The following CCDC88A variants were observed in gnomAD, a reference collection of about 807,000 sequenced individuals.
CCDC88A encodes coiled-coil and HOOK domain protein 88A, also known as girdin.
A neutral mutation model predicts 234.3 loss-of-function variants in CCDC88A; 54 were observed. That is an observed-to-expected ratio of 0.23 (90% CI 0.19 to 0.29). The LOEUF (loss-of-function observed/expected upper bound fraction) is 0.29. Ranked by LOEUF, CCDC88A falls within the 10% of genes least tolerant of loss-of-function variation. CCDC88A has a pLI of 1.00. For missense variants in CCDC88A, 1,832 were observed against 2,123.4 expected, an observed-to-expected ratio of 0.86 and a Z score of 2.70; for synonymous variants, 753 against 737.8, an observed-to-expected ratio of 1.02 and a Z score of -0.33.
chr2:55,360,961 T>A (rs928020410), intron 7 of CCDC88A, among the ~76,000 whole-genome samples: 5 of 152,262 alleles, frequency 3.3e-5, no homozygotes, highest in Admixed American at 2.6e-4. Context: ...TGGTGGCGCG[T>A]GCCTGTAATC....
chr2:55,317,348 A>G lies in CCDC88A; in HGVS notation c.3604T>C (p.Tyr1202His). Reference protein sequence around the residue: ...EVEHRDLEDRYNQLLKQKGQL... With the variant: ...EVEHRDLEDRHNQLLKQKGQL... ...CCTTTCTGTTTTAATAACTGATTGT[A>G]ACTGGGGGGAAAAAAGGCATTTGGT... Residue 1202 changes from tyrosine (Y) to histidine (H), a missense_variant and splice_region_variant, in exon 21 of 33, where the codon TAC becomes CAC. Coordinates refer to ENST00000436346, the MANE Select transcript of CCDC88A (RefSeq NM_001365480.1). The surrounding 1 kb of genome is among the most constrained non-coding windows in gnomAD (Gnocchi z 4.2). 1 of 1,469,522 alleles carries G rather than the reference A, an allele frequency of 6.8e-7. No individual in the cohort carries two copies. The highest frequency in any genetic ancestry group is 9.0e-7 in the Non-Finnish European group (1 of 1,106,698). The allele number at this position is 1,469,522 out of a possible 1,614,324, so 91.0% of individuals were successfully genotyped here.
chr2:55,390,917 A>C (rs1308824145), intron 2 of CCDC88A, among the ~76,000 whole-genome samples: 3 of 152,100 alleles, frequency 2.0e-5, no homozygotes, highest in Non-Finnish European at 4.4e-5. Context: ...AAACGGGAGG[A>C]ATGCCTGAGG....
intron 2 of CCDC88A, chr2:55,418,038 G>A (rs1346695102): frequency 6.6e-6 from 1 of 152,096 alleles, no homozygotes; most frequent in Non-Finnish European, 1.5e-5. Context: ...TAAAAGCTGA[G>A]TTTTAATTTT....
At chr2:55,315,170 AC>A (rs1318188689) in intron 22 of CCDC88A, 2 of 152,178 alleles carry the variant, frequency 1.3e-5, no homozygotes, top group Non-Finnish European at 2.9e-5. Flanking sequence ...CTAAGAGCTG[AC>A]CTTTGACAGC....
intron 29 of CCDC88A, 23 bp from the exon 30 acceptor site, chr2:55,296,546 G>T: frequency 6.2e-7 from 1 of 1,604,012 alleles, no homozygotes; most frequent in South Asian, 1.1e-5. Context: ...ATGGGGTGTT[G>T]AGATTTCAAT....
Position 55,332,545 on chromosome 2 carries a change from C to A in CCDC88A, c.2855+21G>T. On this transcript the variant is annotated intron_variant, in intron 16 of 32. Transcript: ENST00000436346. The surrounding 1 kb of genome is among the most constrained non-coding windows in gnomAD (Gnocchi z 4.5). ...AAAAAAAAAAATTTTCAACTGTTTG[C>A]CAAGTAGACTTAGTACTCACCTGTC... 6.3e-7 allele frequency: 1 copy of A among 1,586,044 alleles called. No individual in the cohort carries two copies. Among genetic ancestry groups the A allele is most frequent in the Non-Finnish European group, 8.5e-7 (1 of 1,169,914 alleles).
intron 2 of CCDC88A, chr2:55,418,583 C>T (rs1681845077): frequency 1.8e-6 from 1 of 556,496 alleles, no homozygotes; most frequent in African/African-American, 1.9e-5. Context: ...AGTGACAATA[C>T]ATGGTTGACA....
chr2:55,383,907 G>A (rs1675027703), intron 3 of CCDC88A, among the ~76,000 whole-genome samples: 1 of 152,062 alleles, frequency 6.6e-6, no homozygotes, highest in South Asian at 2.1e-4. Context: ...TATATAAAAT[G>A]TCTGACCTAT....
chr2:55,343,499 C>T (rs559878327), intron 12 of CCDC88A, 149 bp downstream of exon 12: 2 of 534,438 alleles, frequency 3.7e-6, no homozygotes, highest in Admixed American at 4.0e-5. Context: ...CAAGAAAATG[C>T]AAACAATATA....
intron 2 of CCDC88A, among the ~76,000 whole-genome samples, chr2:55,389,317 G>A (rs1462439036): frequency 7.9e-5 from 12 of 152,152 alleles, no homozygotes; most frequent in African/African-American, 2.9e-4. Context: ...AGAAATTCAA[G>A]GTTAAAGTGG....
At chr2:55,384,920 G>A (rs1288684132) in intron 3 of CCDC88A, among the ~76,000 whole-genome samples, 1 of 151,894 alleles carries the variant, frequency 6.6e-6, no homozygotes, top group Non-Finnish European at 1.5e-5. Context: ...GCCTTCCAAA[G>A]TGCTGGGATT....
rs766805702 is a variant in CCDC88A, at chr2:55,335,165, C to G, written c.1657-1G>C. 1 of 1,453,356 alleles carries G rather than the reference C, an allele frequency of 6.9e-7. No individual in the cohort carries two copies. The highest frequency in any genetic ancestry group is 9.1e-7 in the Non-Finnish European group (1 of 1,099,518). The allele number at this position is 1,453,356 out of a possible 1,614,324, so 90.0% of individuals were successfully genotyped here. ...CATTTTCCTGTTCCAGTATCTTAAT[C>G]TAATTTGAAAAGAAAATAATTAAAA... On this transcript the variant is annotated splice_acceptor_variant, in intron 14 of 32. Transcript: ENST00000436346. LOFTEE classifies it high-confidence loss of function. This position sits in a 1 kb window ranked among gnomAD's most constrained non-coding sequence, Gnocchi z 4.5.
intron 25 of CCDC88A, among the ~76,000 whole-genome samples, chr2:55,306,668 C>T (rs964230136): frequency 6.6e-6 from 1 of 152,164 alleles, no homozygotes; most frequent in African/African-American, 2.4e-5. Flanking sequence ...TTACTGCTAT[C>T]TTCACCTTCC....
At chr2:55,371,912 G>C (rs1672906550) in intron 5 of CCDC88A, among the ~76,000 whole-genome samples, 1 of 151,900 alleles carries the variant, frequency 6.6e-6, no homozygotes, top group South Asian at 2.1e-4. Flanking sequence ...TCTATGTAAG[G>C]GATAATATCT....
chr2:55,342,816 A>C (rs560298398), intron 12 of CCDC88A, among the ~76,000 whole-genome samples: 1 of 152,190 alleles, frequency 6.6e-6, no homozygotes, highest in Non-Finnish European at 1.5e-5. Flanking sequence ...GTCTACGTCA[A>C]CATTATGTCC....
intron 2 of CCDC88A, among the ~76,000 whole-genome samples, chr2:55,406,975 G>C (rs1679698576): frequency 6.6e-6 from 1 of 152,194 alleles, no homozygotes; most frequent in African/African-American, 2.4e-5. Context: ...GACTCTGGGA[G>C]ACCAAGGCGG....
intron 5 of CCDC88A, chr2:55,364,263 A>C (rs1345694698): frequency 1.2e-5 from 4 of 343,420 alleles, no homozygotes; most frequent in Non-Finnish European, 2.1e-5. Flanking sequence ...GGAAAGTTCT[A>C]AAGTGGGAAA....
At chr2:55,376,814 A>G (rs1673715681) in intron 3 of CCDC88A, among the ~76,000 whole-genome samples, 1 of 152,208 alleles carries the variant, frequency 6.6e-6, no homozygotes, top group Admixed American at 6.5e-5. Context: ...AATGGGCTTA[A>G]AAGAATAAAT....
rs747239464 is a variant in CCDC88A at position 55,289,509 on chromosome 2, A to T, written c.*1691T>A. The T allele has an allele frequency of 3.9e-5, 6 of 152,088 alleles. No homozygotes were observed. Among genetic ancestry groups the T allele is most frequent in the Non-Finnish European group, 5.9e-5 (4 of 67,996 alleles). 9.4% of individuals were successfully genotyped at this position (152,088 alleles called of 1,614,324 possible). On this transcript the variant is annotated 3_prime_UTR_variant, in exon 33 of 33. Transcript: ENST00000436346. ...GTTTTAGATATTTCTGTTGTGCATT[A>T]TTTTTGTATGTTAGTAAGAATCCTT... is the stretch of plus-strand genomic sequence containing the variant.
Sources: allele counts gnomAD v4.1 joint callset (sites outside exome capture counted in the v4.1 genomes callset), GRCh38; gene constraint gnomAD v4.1.1; non-coding constraint Gnocchi (gnomAD v3.1); transcripts MANE v1.5; gene names NCBI Gene and HGNC (gene_info 2026-07-23, HGNC 2026-07-21).